The following INO80 variants were observed in gnomAD, a reference collection of about 807,000 sequenced individuals.
INO80 encodes the protein INO80 complex ATPase subunit, also known as chromatin-remodeling ATPase INO80.
A neutral mutation model predicts 203.4 loss-of-function variants in INO80; 20 were observed. The observed-to-expected ratio is 0.10, with a 90% CI of 0.07 to 0.14. The LOEUF (loss-of-function observed/expected upper bound fraction) is 0.14. INO80 is among the 10% of genes least tolerant of loss of function. The pLI is 1.00. For synonymous variants in INO80, 726 were observed against 685.2 expected, an observed-to-expected ratio of 1.06 and a Z score of -0.93; for missense variants, 1,419 against 1,914.4, an observed-to-expected ratio of 0.74 and a Z score of 4.83.
chr15:41,077,146 A>T (rs1218081477), intron 9 of INO80, among the ~76,000 whole-genome samples: 1 of 151,382 alleles, frequency 6.6e-6, no homozygotes, highest in Admixed American at 6.6e-5. Flanking sequence ...CGATCTCTTG[A>T]TCCGCCCACC....
chr15:41,046,663 G>C (rs764927795), intron 23 of INO80, among the ~76,000 whole-genome samples: 12 of 151,946 alleles, frequency 7.9e-5, no homozygotes, highest in Non-Finnish European at 1.6e-4. Context: ...TGTTGTCCAG[G>C]TGGGAGCGCA....
intron 1 of INO80, among the ~76,000 whole-genome samples, chr15:41,112,425 C>T (rs1179772724): frequency 6.6e-6 from 1 of 152,108 alleles, no homozygotes; most frequent in Admixed American, 6.6e-5. Context: ...AGTGCCTATG[C>T]CCTTCTCATT....
At chr15:41,095,575 TG>T (rs1331399852) in intron 4 of INO80, 25 bp downstream of exon 4, 2 of 1,557,238 alleles carry the variant, frequency 1.3e-6, no homozygotes, top group Admixed American at 3.4e-5. Context: ...CTATCTGCAC[TG>T]TAAACACCCT....
chr15:41,039,237 A>G (rs1055711350), intron 24 of INO80, among the ~76,000 whole-genome samples: 3 of 152,156 alleles, frequency 2.0e-5, no homozygotes, highest in Non-Finnish European at 4.4e-5. Flanking sequence ...TCAGCCTCCT[A>G]AAGTACTGAG....
chr15:41,100,449 A>G (rs971471772), intron 1 of INO80, among the ~76,000 whole-genome samples: 7 of 152,228 alleles, frequency 4.6e-5, no homozygotes, highest in Non-Finnish European at 2.9e-5. Context: ...TGTTGAAGAA[A>G]GATCACAGTT....
intron 1 of INO80, among the ~76,000 whole-genome samples, chr15:41,115,385 TA>T: frequency 6.6e-6 from 1 of 152,104 alleles, no homozygotes; most frequent in East Asian, 1.9e-4. Flanking sequence ...AGTCGCTATG[TA>T]AAAACCTAAA....
At chr15:41,018,889 A>C (rs1167761013) in intron 26 of INO80, 1 of 152,216 alleles carries the variant, frequency 6.6e-6, no homozygotes, top group Non-Finnish European at 1.5e-5. Context: ...TTAAAACAGG[A>C]GCTTTCTGGA....
chr15:41,091,301 C>T (rs551441041), intron 5 of INO80, among the ~76,000 whole-genome samples: 2 of 151,822 alleles, frequency 1.3e-5, no homozygotes, highest in African/African-American at 2.4e-5. Flanking sequence ...CTCAACTGAT[C>T]TGCCCACTTC....
At chr15:40,983,327 C>G in intron 34 of INO80, 1 of 498,996 alleles carries the variant, frequency 2.0e-6, no homozygotes, top group South Asian at 2.3e-5. Context: ...TACATTACTC[C>G]TGAGTTTCCT....
At chr15:41,054,674 T>C (rs1298396256) in intron 18 of INO80, among the ~76,000 whole-genome samples, 1 of 152,210 alleles carries the variant, frequency 6.6e-6, no homozygotes, top group African/African-American at 2.4e-5. Context: ...AGTCTGGCTC[T>C]ATCACCCAGG....
At chr15:41,092,674 G>A (rs2045662461) in intron 4 of INO80, among the ~76,000 whole-genome samples, 1 of 152,164 alleles carries the variant, frequency 6.6e-6, no homozygotes, top group Non-Finnish European at 1.5e-5. Flanking sequence ...CACATGAGTA[G>A]GGGCTACAAT....
chr15:41,005,513 T>TAA (rs76845507), intron 28 of INO80, 80 bp downstream of exon 28: 2,231 of 568,440 alleles, frequency 3.9e-3, no homozygotes, highest in South Asian at 6.7e-3. Context: ...TCCTGGCATT[T>TAA]AAAAAAAAAA....
At chr15:41,009,830 G>A (rs2044107140) in intron 27 of INO80, among the ~76,000 whole-genome samples, 1 of 152,012 alleles carries the variant, frequency 6.6e-6, no homozygotes, top group South Asian at 2.1e-4. Context: ...GAACTCCTGG[G>A]CTCAAGTGAT....
At chr15:40,991,656 G>GC (rs561857939) in intron 29 of INO80, among the ~76,000 whole-genome samples, 364 of 152,238 alleles carry the variant, frequency 2.4e-3, no homozygotes, top group African/African-American at 8.1e-3. Context: ...TAAACACCAA[G>GC]CAGGGCAGGC....
In INO80 at chr15:40,984,190, G is replaced by C; in HGVS notation, c.4077+7C>G. On this transcript the variant is annotated splice_region_variant and intron_variant, in intron 33 of 35. Transcript: ENST00000648947. Reference sequence around the variant, plus strand: ...GCTGTGATGCAGGCATCTAAAAGGAGCCTCACCTCACTGAAAGGGCTTGGC... The same window carrying C: ...GCTGTGATGCAGGCATCTAAAAGGACCCTCACCTCACTGAAAGGGCTTGGC... 1 of 1,612,694 alleles carries C rather than the reference G, an allele frequency of 6.2e-7. No homozygotes were observed. Among genetic ancestry groups the C allele is most frequent in the Non-Finnish European group, 8.5e-7 (1 of 1,179,246 alleles).
At chr15:41,035,519 A>G (rs75854901) in intron 24 of INO80, among the ~76,000 whole-genome samples, 9,451 of 150,836 alleles carry the variant, frequency 0.063, 410 homozygotes, top group East Asian at 0.21. Context: ...AAGCAAGACT[A>G]CATCTCTAAA....
Position 41,047,476 on chromosome 15 carries a change from A to T in INO80, c.2667T>A (p.Ser889=), listed in dbSNP as rs1458606609. 6.2e-7 allele frequency: 1 copy of T among 1,611,618 alleles called. No homozygotes were observed. The highest frequency in any genetic ancestry group is 8.5e-7 in the Non-Finnish European group (1 of 1,178,912). Reference sequence around the variant, plus strand: ...GAGATATATCAATAAAGCGAAGGAAAGAGAAACAGCTTTCTTCATTAATAC... The same window carrying T: ...GAGATATATCAATAAAGCGAAGGAATGAGAAACAGCTTTCTTCATTAATAC... ...RKGINEESCF[S]FLRFIDISPA... The change falls in exon 23 of 36, where the codon TCT becomes TCA. Residue 889 remains serine, a synonymous_variant. Coordinates refer to ENST00000648947, the MANE Select transcript of INO80 (RefSeq NM_017553.3).
At chr15:41,099,639 G>A (rs532098685) in intron 1 of INO80, among the ~76,000 whole-genome samples, 1 of 151,986 alleles carries the variant, frequency 6.6e-6, no homozygotes, top group Non-Finnish European at 1.5e-5. Flanking sequence ...AAAATTAGCT[G>A]AGTGTAGTGG....
At chr15:41,082,377 A>G (rs1338763810) in intron 7 of INO80, among the ~76,000 whole-genome samples, 1 of 151,920 alleles carries the variant, frequency 6.6e-6, no homozygotes, top group Admixed American at 6.6e-5. Flanking sequence ...TAGCCTGGGC[A>G]AGATAGTGAG....
Sources: allele counts gnomAD v4.1 joint callset (sites outside exome capture counted in the v4.1 genomes callset), GRCh38; gene constraint gnomAD v4.1.1; transcripts MANE v1.5; gene names NCBI Gene and HGNC (gene_info 2026-07-23, HGNC 2026-07-21).